The following TAOK3 variants were observed in gnomAD, a reference collection of about 807,000 sequenced individuals.
TAOK3 encodes the protein TAO kinase 3.
In TAOK3, 40 loss-of-function variants were observed where a neutral mutation model predicts 120.4. That is an observed-to-expected ratio of 0.33 (90% CI 0.26 to 0.43). The LOEUF (loss-of-function observed/expected upper bound fraction) is 0.43. Among genes scored for constraint, TAOK3 ranks in the 20% least tolerant of loss-of-function variants. The probability of loss-of-function intolerance (pLI) is 1.00; values close to 1 mark genes in which losing one functional copy is unlikely to be tolerated. For synonymous variants in TAOK3, 355 were observed against 387.5 expected, an observed-to-expected ratio of 0.92 and a Z score of 0.99; for missense variants, 821 against 1,112.1, an observed-to-expected ratio of 0.74 and a Z score of 3.72.
intron 1 of TAOK3, among the ~76,000 whole-genome samples, chr12:118,368,871 A>G (rs1012847266): frequency 6.6e-6 from 1 of 151,452 alleles, no homozygotes; most frequent in African/African-American, 2.4e-5. Context: ...TTAAATAAAC[A>G]AAAGGGCTGA....
chr12:118,255,399 C>T, intron 3 of TAOK3, 49 bp downstream of exon 3: 1 of 1,602,232 alleles, frequency 6.2e-7, no homozygotes, highest in Non-Finnish European at 8.5e-7. Flanking sequence ...GGCCTAGAGT[C>T]CAACCTTTCT....
chr12:118,195,012 G>A (rs992834839), intron 13 of TAOK3, among the ~76,000 whole-genome samples: 5 of 152,062 alleles, frequency 3.3e-5, no homozygotes, highest in African/African-American at 1.2e-4. Context: ...CTCCCAAAGT[G>A]CTGAGATTAA....
At chr12:118,203,219 A>T (rs1331178961) in intron 11 of TAOK3, among the ~76,000 whole-genome samples, 1 of 152,140 alleles carries the variant, frequency 6.6e-6, no homozygotes, top group Non-Finnish European at 1.5e-5. Flanking sequence ...TGTTCAATTT[A>T]TCCAGAGGTC....
intron 9 of TAOK3, among the ~76,000 whole-genome samples, chr12:118,215,869 C>T (rs1381856270): frequency 6.6e-6 from 1 of 151,960 alleles, no homozygotes; most frequent in African/African-American, 2.4e-5. Flanking sequence ...CAGGTGTGTG[C>T]CACCACGCTG....
chr12:118,320,105 T>C (rs902297041), intron 1 of TAOK3, among the ~76,000 whole-genome samples: 3 of 151,936 alleles, frequency 2.0e-5, no homozygotes, highest in Non-Finnish European at 4.4e-5. Flanking sequence ...AAAGGACAAA[T>C]ATTATATGAT....
At chr12:118,313,855 G>T (rs1387121576) in intron 1 of TAOK3, among the ~76,000 whole-genome samples, 2 of 152,162 alleles carry the variant, frequency 1.3e-5, no homozygotes, top group Non-Finnish European at 2.9e-5. Flanking sequence ...CTGAGTCAAA[G>T]AAGTTAATTT....
At chr12:118,213,622 A>T (rs353885) in intron 10 of TAOK3, among the ~76,000 whole-genome samples, 70,749 of 148,114 alleles carry the variant, frequency 0.48, 17,176 homozygotes, top group Non-Finnish European at 0.54. Flanking sequence ...CATATAGTTT[A>T]AAAAAAAAAA....
Position 118,170,294 on chromosome 12 carries a change from C to T in TAOK3, c.1899+2163G>A, listed in dbSNP as rs148132625. Among the ~76,000 whole-genome samples, 1,085 of 152,136 alleles carry T rather than the reference C, an allele frequency of 7.1e-3. 7 individuals carry two copies. The highest frequency in any genetic ancestry group is 0.017 in the Middle Eastern group (5 of 294). On this transcript the variant is annotated intron_variant, in intron 17 of 20. Transcript: ENST00000392533. The stretch of plus-strand genomic sequence containing the variant: ...GTGTATCTGTTTATGCACTGTGGTC[C>T]TTTGAAGCTGTAATAAGACCTAGGT...
intron 1 of TAOK3, among the ~76,000 whole-genome samples, chr12:118,301,627 C>T (rs779578921): frequency 5.9e-5 from 9 of 151,950 alleles, no homozygotes; most frequent in South Asian, 2.1e-4. Context: ...AGGCGGATCA[C>T]GAGGTCAGGA....
intron 13 of TAOK3, among the ~76,000 whole-genome samples, chr12:118,195,536 T>G (rs2037671158): frequency 6.6e-6 from 1 of 152,122 alleles, no homozygotes; most frequent in African/African-American, 2.4e-5. Flanking sequence ...TTCAATTTAG[T>G]TCACAGAACA....
At chr12:118,202,773 C>CTTTTTTTTTTTTTTT (rs58282262) in intron 11 of TAOK3, among the ~76,000 whole-genome samples, 1 of 100,646 alleles carries the variant, frequency 9.9e-6, no homozygotes, top group African/African-American at 4.1e-5. Context: ...ATAGTCTATT[C>CTTTTTTTTTTTTTTT]TTTTTTTTTT....
intron 1 of TAOK3, among the ~76,000 whole-genome samples, chr12:118,317,807 T>C (rs2043532878): frequency 6.6e-6 from 1 of 151,616 alleles, no homozygotes; most frequent in African/African-American, 2.4e-5. Flanking sequence ...AAAAATAATC[T>C]AAAAAAGACA....
intron 1 of TAOK3, among the ~76,000 whole-genome samples, chr12:118,269,901 T>G (rs2041630148): frequency 6.6e-6 from 1 of 152,174 alleles, no homozygotes; most frequent in African/African-American, 2.4e-5. Context: ...TTTCTTCCAT[T>G]TTACTACCCC....
intron 20 of TAOK3, among the ~76,000 whole-genome samples, chr12:118,151,732 A>C (rs528288958): frequency 6.6e-6 from 1 of 152,382 alleles, no homozygotes; most frequent in South Asian, 2.1e-4. Context: ...CATATTCCTC[A>C]GAATTTCTAA....
intron 1 of TAOK3, among the ~76,000 whole-genome samples, chr12:118,299,436 C>T (rs142822006): frequency 4.6e-5 from 7 of 152,154 alleles, no homozygotes; most frequent in East Asian, 3.9e-4. Context: ...TATGGGTCTA[C>T]GGTACTTAAG....
At chr12:118,296,659 A>G (rs1289647959) in intron 1 of TAOK3, among the ~76,000 whole-genome samples, 1 of 152,200 alleles carries the variant, frequency 6.6e-6, no homozygotes, top group Admixed American at 6.5e-5. Flanking sequence ...TTAACAGTTA[A>G]GATACATGAC....
rs61943526 is a variant in TAOK3, at chr12:118,157,159, C to T, written c.2352+2987G>A. Among the ~76,000 whole-genome samples the T allele has an allele frequency of 3.0e-3, 463 of 152,178 alleles. 1 individual carries two copies. The highest frequency in any genetic ancestry group is 0.014 in the Middle Eastern group (4 of 294). On this transcript the variant is annotated intron_variant, in intron 19 of 20. Transcript: ENST00000392533. Reference sequence around the variant, plus strand: ...CCTCCCACCAAATTTAGTAACTTCCCCCTTCATCCCGACTGCCCCTTTTCT... The same window carrying T: ...CCTCCCACCAAATTTAGTAACTTCCTCCTTCATCCCGACTGCCCCTTTTCT...
chr12:118,266,253 C>T (rs2041441996), intron 2 of TAOK3, among the ~76,000 whole-genome samples: 1 of 152,160 alleles, frequency 6.6e-6, no homozygotes, highest in South Asian at 2.1e-4. Context: ...GAGTGCAATG[C>T]ACGATCTCGG....
intron 9 of TAOK3, among the ~76,000 whole-genome samples, chr12:118,230,659 C>T (rs541220801): frequency 5.3e-5 from 8 of 151,664 alleles, no homozygotes; most frequent in African/African-American, 9.7e-5. Flanking sequence ...TTAGTAGAGA[C>T]GGGGTTTCAC....
Sources: allele counts gnomAD v4.1 joint callset (sites outside exome capture counted in the v4.1 genomes callset), GRCh38; gene constraint gnomAD v4.1.1; transcripts MANE v1.5; gene names NCBI Gene and HGNC (gene_info 2026-07-23, HGNC 2026-07-21).